CNOT10: variants seen among roughly 807,000 people sequenced by gnomAD.
CNOT10 encodes the protein CCR4-NOT transcription complex subunit 10.
CNOT10 carries 30 observed loss-of-function variants against 94.6 expected under a neutral mutation model. That is an observed-to-expected ratio of 0.32 (90% CI 0.24 to 0.43). The LOEUF is 0.43. Ranked by LOEUF, CNOT10 falls within the 20% of genes least tolerant of loss-of-function variation. The probability of loss-of-function intolerance (pLI) is 1.00; values close to 1 mark genes in which losing one functional copy is unlikely to be tolerated. For synonymous variants in CNOT10, 289 were observed against 301.6 expected (o/e 0.96, Z 0.43); for missense variants, 759 against 877.2 (o/e 0.87, Z 1.70).
chr3:32,769,761 A>G, intron 17 of CNOT10, 126 bp from the exon 18 acceptor site: 1 of 704,702 alleles, frequency 1.4e-6, no homozygotes. Flanking sequence ...AACAACAGGT[A>G]GTCCCTAGGA....
chr3:32,764,988 T>C, intron 17 of CNOT10, 179 bp downstream of exon 17: 1 of 1,519,824 alleles, frequency 6.6e-7, no homozygotes, highest in Admixed American at 2.0e-5. Context: ...TAAATGAACC[T>C]AGACACTTAA....
Position 32,773,521 on chromosome 3 carries a change from C to G in CNOT10, c.2145C>G (p.His715Gln). ...RNQLLPAVKT[H>Q]SEVRKKPVFQ... ...AGCTGCTCCCTGCAGTGAAAACACA[C>G]TCTGAAGTGAGAAAGAAGCCAGTGT... Residue 715 changes from histidine (H) to glutamine (Q), a missense_variant, in exon 19 of 19, where the codon CAC becomes CAG. His to Gln is a conservative substitution (Grantham distance 24, BLOSUM62 0). Around this residue, in one of 3 missense-constraint regions of CNOT10, gnomAD observed 73 missense variants for 61.0 expected, o/e 1.20. Coordinates refer to ENST00000328834, the MANE Select transcript of CNOT10 (RefSeq NM_015442.3). The G allele has an allele frequency of 6.2e-7, 1 of 1,614,186 alleles. No individual in the cohort carries two copies. Among genetic ancestry groups the G allele is most frequent in the South Asian group, 1.1e-5 (1 of 91,078 alleles).
chr3:32,751,311 G>A (rs550201358), intron 13 of CNOT10, among the ~76,000 whole-genome samples: 17 of 151,340 alleles, frequency 1.1e-4, no homozygotes, highest in African/African-American at 2.9e-4. Flanking sequence ...TCACTGTATC[G>A]CCCAGGCTGG....
chr3:32,765,136 T>C, intron 17 of CNOT10: 2 of 461,398 alleles, frequency 4.3e-6, no homozygotes, highest in Non-Finnish European at 3.7e-6. Context: ...CTGGCCAATA[T>C]GGTGAAACCC....
chr3:32,766,592 C>A (rs1258145129), intron 17 of CNOT10, among the ~76,000 whole-genome samples: 1 of 117,418 alleles, frequency 8.5e-6, no homozygotes, highest in Non-Finnish European at 1.8e-5. Context: ...AAGATCGCGC[C>A]ACTGCACTCC....
rs555345872 is a variant in CNOT10 at position 32,722,109 on chromosome 3, T to C, written c.862+1878T>C. Among the ~76,000 whole-genome samples the C allele has an allele frequency of 4.6e-5, 7 of 152,352 alleles. No individual in the cohort carries two copies. The South Asian group carries it at 1.5e-3, about 32-fold the overall frequency. On this transcript the variant is annotated intron_variant, in intron 8 of 18. Coordinates refer to ENST00000328834, the MANE Select transcript of CNOT10 (RefSeq NM_015442.3). The stretch of plus-strand genomic sequence containing the variant: ...AAATCACTTATTCGAGAAATGAGGA[T>C]AAACTATTGAAAATGTATATTTTGC...
chr3:32,759,507 A>G lies in CNOT10; in HGVS notation c.1645A>G (p.Asn549Asp), dbSNP rs1700355413. Residue 549 changes from asparagine (N) to aspartate (D), a missense_variant, in exon 14 of 19, where the codon AAC (asparagine) becomes GAC (aspartate). By Grantham distance (23) the Asn-to-Asp change is conservative. Around this residue, in one of 3 missense-constraint regions of CNOT10, gnomAD observed 682 missense variants for 799.4 expected, o/e 0.85. Transcript: ENST00000328834. The part of the protein sequence containing the change: ...SAYVALALGD[N>D]LMALNHADKL... ...CTACGTGGCTCTGGCTTTGGGTGATAACCTCATGGCTTTGAATCATGCAGA... is the reference window on the plus strand; with the variant it reads ...CTACGTGGCTCTGGCTTTGGGTGATGACCTCATGGCTTTGAATCATGCAGA... 1 of 1,613,926 alleles carries G rather than the reference A, an allele frequency of 6.2e-7. No homozygotes were observed. Among genetic ancestry groups the G allele is most frequent in the South Asian group, 1.1e-5 (1 of 91,084 alleles).
intron 11 of CNOT10, among the ~76,000 whole-genome samples, chr3:32,734,148 ATAATTTAGTCT>A (rs1176286964): frequency 6.6e-6 from 1 of 152,242 alleles, no homozygotes; most frequent in Non-Finnish European, 1.5e-5. Context: ...CTGATACACA[ATAATTTAGTCT>A]TAATTTAGTT....
At chr3:32,738,600 C>T (rs1255244107) in intron 13 of CNOT10, among the ~76,000 whole-genome samples, 1 of 151,540 alleles carries the variant, frequency 6.6e-6, no homozygotes, top group African/African-American at 2.4e-5. Context: ...GTAGCTGGGA[C>T]TACAGGCGCC....
At chr3:32,739,138 T>TC (rs1699334223) in intron 13 of CNOT10, among the ~76,000 whole-genome samples, 2 of 152,072 alleles carry the variant, frequency 1.3e-5, no homozygotes, top group Admixed American at 1.3e-4. Flanking sequence ...ACTCCTGACC[T>TC]CAGGTGATCC....
At chr3:32,725,927 A>AGTTTTGTTTT (rs33937831) in intron 9 of CNOT10, among the ~76,000 whole-genome samples, 26,473 of 149,716 alleles carry the variant, frequency 0.18, 3,035 homozygotes, top group African/African-American at 0.31. Context: ...GGTTTATTAT[A>AGTTTTGTTTT]GTTTTGTTTT....
At chr3:32,741,901 A>T (rs746059273) in intron 13 of CNOT10, among the ~76,000 whole-genome samples, 7 of 151,878 alleles carry the variant, frequency 4.6e-5, no homozygotes, top group South Asian at 2.1e-4. Flanking sequence ...TTTCTTTTTT[A>T]AAAAAATTTA....
At chr3:32,760,126 G>GAGCCA (rs376685097) in intron 14 of CNOT10, among the ~76,000 whole-genome samples, 148,853 of 150,926 alleles carry the variant, frequency 0.99, 73,446 homozygotes, top group East Asian at 1. Flanking sequence ...AGGTTGCAGT[G>GAGCCA]AGATCTCTGC....
At chr3:32,689,461 A>G (rs1481255290) in intron 1 of CNOT10, among the ~76,000 whole-genome samples, 1 of 152,162 alleles carries the variant, frequency 6.6e-6, no homozygotes, top group African/African-American at 2.4e-5. Flanking sequence ...TTAGACAGAA[A>G]CCCTAAGGAT....
intron 1 of CNOT10, chr3:32,695,475 G>T: frequency 3.4e-6 from 4 of 1,189,994 alleles, no homozygotes; most frequent in Non-Finnish European, 4.6e-6. Context: ...GATGAGTGTA[G>T]CTTGTAGTCT....
chr3:32,717,395 A>G (rs1392615078), intron 7 of CNOT10, among the ~76,000 whole-genome samples, 158 bp downstream of exon 7: 5 of 151,502 alleles, frequency 3.3e-5, no homozygotes, highest in African/African-American at 1.2e-4. Context: ...TACTGTGTCT[A>G]TAGTTTAATT....
chr3:32,698,289 C>G (rs932604612), intron 1 of CNOT10, among the ~76,000 whole-genome samples: 4 of 152,168 alleles, frequency 2.6e-5, no homozygotes, highest in African/African-American at 9.7e-5. Context: ...TTAATTATCA[C>G]AAGTAACACT....
At chr3:32,689,867 A>T (rs2125487899) in intron 1 of CNOT10, among the ~76,000 whole-genome samples, 1 of 152,306 alleles carries the variant, frequency 6.6e-6, no homozygotes, top group East Asian at 1.9e-4. Context: ...AGATGAGAGG[A>T]TGGCTTGAGC....
At chr3:32,753,239 G>A in intron 13 of CNOT10, 1 of 760,438 alleles carries the variant, frequency 1.3e-6, no homozygotes, top group Non-Finnish European at 2.4e-6. Flanking sequence ...AGATAGTGCA[G>A]ATGCTAATTT....
Sources: allele counts gnomAD v4.1 joint callset (sites outside exome capture counted in the v4.1 genomes callset), GRCh38; gene constraint gnomAD v4.1.1; regional missense constraint gnomAD v4.1.1; transcripts MANE v1.5; gene names NCBI Gene and HGNC (gene_info 2026-07-23, HGNC 2026-07-21).